GBE1: variants seen among roughly 807,000 people sequenced by gnomAD.
GBE1 encodes 1,4-alpha-glucan-branching enzyme.
GBE1 carries 70 observed loss-of-function variants against 88.8 expected under a neutral mutation model. That is an observed-to-expected ratio of 0.79 (90% CI 0.65 to 0.96). The LOEUF is 0.96. Among genes scored for constraint, GBE1 ranks in the 40% least tolerant of loss-of-function variants. The pLI, the probability that GBE1 is intolerant of heterozygous loss-of-function variation, is 0.00. For missense variants in GBE1, 872 were observed against 871.0 expected, an observed-to-expected ratio of 1.00 and a Z score of -0.01; for synonymous variants, 284 against 300.1, an observed-to-expected ratio of 0.95 and a Z score of 0.56.
intron 12 of GBE1, among the ~76,000 whole-genome samples, chr3:81,544,088 A>G (rs1027441362): frequency 6.6e-6 from 1 of 152,180 alleles, no homozygotes; most frequent in African/African-American, 2.4e-5. Flanking sequence ...GATTAACTGT[A>G]TTTGTGAAAG....
intron 14 of GBE1, among the ~76,000 whole-genome samples, chr3:81,501,839 A>C (rs1702590512): frequency 6.6e-6 from 1 of 151,308 alleles, no homozygotes; most frequent in Admixed American, 6.6e-5. Flanking sequence ...TTGAGATCAC[A>C]GACACAGACA....
At chr3:81,530,600 G>T (rs1360216588) in intron 14 of GBE1, among the ~76,000 whole-genome samples, 1 of 151,956 alleles carries the variant, frequency 6.6e-6, no homozygotes, top group African/African-American at 2.4e-5. Context: ...TCTTAGTTAA[G>T]ATCTGAGATA....
At chr3:81,679,404 A>C (rs556586590) in intron 2 of GBE1, among the ~76,000 whole-genome samples, 1 of 152,350 alleles carries the variant, frequency 6.6e-6, no homozygotes, top group East Asian at 1.9e-4. Flanking sequence ...TATCATCTTA[A>C]TAACAGGGTA....
intron 12 of GBE1, among the ~76,000 whole-genome samples, chr3:81,548,243 T>C (rs1263328880): frequency 6.6e-6 from 1 of 151,510 alleles, no homozygotes; most frequent in Non-Finnish European, 1.5e-5. Flanking sequence ...TTATAAAAAT[T>C]GTAAGGGTTA....
intron 15 of GBE1, among the ~76,000 whole-genome samples, chr3:81,491,578 C>T (rs976508249): frequency 6.6e-6 from 1 of 152,118 alleles, no homozygotes; most frequent in African/African-American, 2.4e-5. Context: ...CTAGTTCAAA[C>T]AACTTATCTA....
intron 7 of GBE1, among the ~76,000 whole-genome samples, chr3:81,607,526 C>G (rs548700941): frequency 1.3e-5 from 2 of 151,612 alleles, no homozygotes; most frequent in African/African-American, 4.8e-5. Flanking sequence ...TCCAGCCTGG[C>G]GACAGAGCAA....
intron 12 of GBE1, among the ~76,000 whole-genome samples, chr3:81,547,625 T>TTCTCTCTCTCTATCTCTCTCTC (rs1703223559): frequency 7.2e-6 from 1 of 138,282 alleles, no homozygotes; most frequent in Non-Finnish European, 1.6e-5. Context: ...GGTTCGTTTG[T>TTCTCTCTCTCTATCTCTCTCTC]TCTCTCTCTC....
intron 1 of GBE1, among the ~76,000 whole-genome samples, chr3:81,761,172 T>A (rs566326915): frequency 8.5e-5 from 13 of 152,306 alleles, no homozygotes; most frequent in Non-Finnish European, 1.8e-4. Flanking sequence ...CAGCGCCCGC[T>A]CCGGGCACCA....
chr3:81,589,505 C>A lies in GBE1; in HGVS notation c.1236+1532G>T, dbSNP rs374356886. Reference sequence around the variant, plus strand: ...TAAGTGGAATAAATTGAAGGCACATCTTTTTTTAAAAAAAAAAAAAATCTA... The same window carrying A: ...TAAGTGGAATAAATTGAAGGCACATATTTTTTTAAAAAAAAAAAAAATCTA... On this transcript the variant is annotated intron_variant, in intron 9 of 15. Transcript: ENST00000429644. 2.3e-4 allele frequency among the ~76,000 whole-genome samples: 34 copies of A among 149,330 alleles called. No individual in the cohort carries two copies. The South Asian group carries it at 6.8e-3, about 30-fold the overall frequency.
chr3:81,619,807 ATTTAT>A (rs1025316404), intron 7 of GBE1, among the ~76,000 whole-genome samples: 1 of 152,100 alleles, frequency 6.6e-6, no homozygotes, highest in African/African-American at 2.4e-5. Flanking sequence ...GGCTTTTCAC[ATTTAT>A]TTTGACATTT....
At chr3:81,747,995 C>T (rs1041892284) in intron 1 of GBE1, among the ~76,000 whole-genome samples, 1 of 152,150 alleles carries the variant, frequency 6.6e-6, no homozygotes, top group Non-Finnish European at 1.5e-5. Context: ...AAGCACGCAC[C>T]TGTAATCCCA....
At chr3:81,525,853 G>C (rs1178605558) in intron 14 of GBE1, among the ~76,000 whole-genome samples, 1 of 152,038 alleles carries the variant, frequency 6.6e-6, no homozygotes, top group African/African-American at 2.4e-5. Flanking sequence ...ATGGTAGTTT[G>C]TATTTCTGGG....
intron 1 of GBE1, among the ~76,000 whole-genome samples, chr3:81,750,244 T>C (rs1381166416): frequency 2.0e-5 from 3 of 151,800 alleles, no homozygotes; most frequent in Admixed American, 6.6e-5. Flanking sequence ...ATGACAACCA[T>C]GAAGACTGAT....
At chr3:81,555,297 A>C (rs886562269) in intron 12 of GBE1, among the ~76,000 whole-genome samples, 1 of 152,194 alleles carries the variant, frequency 6.6e-6, no homozygotes, top group African/African-American at 2.4e-5. Context: ...TCTTTAAGAT[A>C]ATGGCGCTTA....
At chr3:81,663,799 G>C (rs1249818862) in intron 3 of GBE1, among the ~76,000 whole-genome samples, 1 of 152,202 alleles carries the variant, frequency 6.6e-6, no homozygotes, top group Non-Finnish European at 1.5e-5. Context: ...CCGTCTGTGA[G>C]TTCTCGCAGA....
chr3:81,580,966 T>A (rs879600516), intron 11 of GBE1, among the ~76,000 whole-genome samples, 199 bp downstream of exon 11: 3 of 152,046 alleles, frequency 2.0e-5, no homozygotes, highest in African/African-American at 7.2e-5. Flanking sequence ...AGTTTCTCCA[T>A]CTACAAATTT....
chr3:81,601,381 C>T (rs1704030610), intron 7 of GBE1, among the ~76,000 whole-genome samples: 2 of 152,184 alleles, frequency 1.3e-5, no homozygotes, highest in Admixed American at 6.5e-5. Flanking sequence ...TTATACTCCA[C>T]ATTCAGCATG....
At chr3:81,574,142 T>C (rs992257344) in intron 12 of GBE1, among the ~76,000 whole-genome samples, 9 of 152,182 alleles carry the variant, frequency 5.9e-5, no homozygotes, top group African/African-American at 2.2e-4. Context: ...AACAAATCAC[T>C]ACATTTACTG....
intron 5 of GBE1, among the ~76,000 whole-genome samples, chr3:81,647,396 AAT>A (rs1455301023): frequency 2.0e-5 from 3 of 152,192 alleles, no homozygotes; most frequent in East Asian, 3.8e-4. Flanking sequence ...TCTCCATCTG[AAT>A]ATGTTTTGCT....
Sources: gnomAD v4.1 joint callset for allele counts (sites outside exome capture counted in the v4.1 genomes callset) on GRCh38, gnomAD v4.1.1 for gene constraint, MANE v1.5 for transcripts, NCBI Gene and HGNC (gene_info 2026-07-23, HGNC 2026-07-21) for gene names.